PICK1: variants seen among roughly 807,000 people sequenced by gnomAD.
PICK1 encodes protein interacting with PRKCA 1.
In PICK1, 23 loss-of-function variants were observed where a neutral mutation model predicts 48.9. The observed-to-expected ratio is 0.47, with a 90% CI of 0.34 to 0.67. The LOEUF is 0.67. PICK1 is among the 30% of genes least tolerant of loss of function. PICK1 has a pLI of 0.01. For missense variants in PICK1, 423 were observed against 557.1 expected, an observed-to-expected ratio of 0.76 and a Z score of 2.42; for synonymous variants, 217 against 228.2, an observed-to-expected ratio of 0.95 and a Z score of 0.44.
chr22:38,072,224 G>A (rs771694319), intron 8 of PICK1, among the ~76,000 whole-genome samples: 3 of 152,208 alleles, frequency 2.0e-5, no homozygotes, highest in Non-Finnish European at 4.4e-5. Context: ...GGGAATGAGG[G>A]CCAACTCCCT....
chr22:38,073,927 G>A lies in PICK1; in HGVS notation c.834+104G>A. 1 of 1,160,522 alleles carries A rather than the reference G, an allele frequency of 8.6e-7. No individual in the cohort carries two copies. The highest frequency in any genetic ancestry group is 1.3e-6 in the Non-Finnish European group (1 of 773,302). 71.9% of individuals were successfully genotyped at this position (1,160,522 alleles called of 1,614,324 possible). On this transcript the variant is annotated intron_variant, in intron 11 of 12. Coordinates refer to ENST00000356976, the MANE Select transcript of PICK1 (RefSeq NM_012407.4). This position sits in a 1 kb window ranked among gnomAD's most constrained non-coding sequence, Gnocchi z 5.7. ...CGGGAGAGACCGGGGGGACTTGGCT[G>A]GACTCTCGTTCCTGGAGATTTAGGG...
At chr22:38,057,933 C>T in intron 2 of PICK1, 83 bp downstream of exon 2, 1 of 1,114,704 alleles carries the variant, frequency 9.0e-7, no homozygotes, top group Non-Finnish European at 1.4e-6. Context: ...CCCACAGACC[C>T]TTGCTTCTCA....
chr22:38,065,241 C>G (rs1306410463), intron 4 of PICK1, 111 bp downstream of exon 4: 7 of 1,074,138 alleles, frequency 6.5e-6, no homozygotes, highest in Admixed American at 4.0e-5. Context: ...CCTCACCGCC[C>G]CCTTCCTTGT....
intron 5 of PICK1, chr22:38,068,014 C>T: frequency 1.6e-6 from 1 of 625,154 alleles, no homozygotes; most frequent in South Asian, 1.5e-5. Context: ...TTCACCCCTA[C>T]CTCCCTGCTT....
rs945697657 is a variant in PICK1, at chr22:38,073,806, G to A, written c.817G>A (p.Glu273Lys). Reference sequence around the variant, plus strand: ...CCTGAAGGTGAAGGAGATGGATGACGAGGAATACAGCTGCATTGTGAGTGT... The same window carrying A: ...CCTGAAGGTGAAGGAGATGGATGACAAGGAATACAGCTGCATTGTGAGTGT... ...YCLKVKEMDD[E>K]EYSCIALGEP... Residue 273 changes from glutamate (E) to lysine (K), a missense_variant, in exon 11 of 13, where the codon GAG becomes AAG. Glu to Lys is a moderately conservative substitution (Grantham distance 56). Coordinates refer to ENST00000356976, the MANE Select transcript of PICK1 (RefSeq NM_012407.4). This position sits in a 1 kb window ranked among gnomAD's most constrained non-coding sequence, Gnocchi z 5.7. 5 of 1,613,638 alleles carry A rather than the reference G, an allele frequency of 3.1e-6. No homozygotes were observed. The highest frequency in any genetic ancestry group is 2.2e-5 in the South Asian group (2 of 91,082).
chr22:38,057,865 C>A lies in PICK1; in HGVS notation c.41+15C>A, dbSNP rs1569193522. The A allele has an allele frequency of 6.2e-7, 1 of 1,605,702 alleles. No homozygotes were observed. Among genetic ancestry groups the A allele is most frequent in the Non-Finnish European group, 8.5e-7 (1 of 1,172,310 alleles). ...GAGGATAAACTGTGAGTATTTTATT[C>A]CCCCAAGTTCCAGCAGTATAGGAGC... On this transcript the variant is annotated intron_variant, in intron 2 of 12. Coordinates refer to ENST00000356976, the MANE Select transcript of PICK1 (RefSeq NM_012407.4).
At position 38,074,820 on chromosome 22, in the gene PICK1, C is replaced by T; in HGVS notation, c.980-44C>T. On this transcript the variant is annotated intron_variant, in intron 12 of 12. Transcript: ENST00000356976. This position sits in a 1 kb window ranked among gnomAD's most constrained non-coding sequence, Gnocchi z 4.5. ...GGGAGAGTCTCCTCCCTGAGGCAGGCAGCCAGAGCCCACTGCAGCCTGTCC... is the reference window on the plus strand; with the variant it reads ...GGGAGAGTCTCCTCCCTGAGGCAGGTAGCCAGAGCCCACTGCAGCCTGTCC... 1 of 1,601,856 alleles carries T rather than the reference C, an allele frequency of 6.2e-7. No individual in the cohort carries two copies. Among genetic ancestry groups the T allele is most frequent in the South Asian group, 1.1e-5 (1 of 90,970 alleles).
At position 38,066,265 on chromosome 22, in the gene PICK1, G is replaced by C. The variant is rs963523015; in HGVS notation, c.282+1135G>C. Reference sequence around the variant, plus strand: ...GTATGACCTGTTAGGCAGAGGAGCTGATCATGGGAACAGGTGCAGGGGGTC... The same window carrying C: ...GTATGACCTGTTAGGCAGAGGAGCTCATCATGGGAACAGGTGCAGGGGGTC... On this transcript the variant is annotated intron_variant, in intron 4 of 12. Coordinates refer to ENST00000356976, the MANE Select transcript of PICK1 (RefSeq NM_012407.4). This position sits in a 1 kb window ranked among gnomAD's most constrained non-coding sequence, Gnocchi z 4.1. Among the ~76,000 whole-genome samples the C allele has an allele frequency of 2.6e-5, 4 of 152,210 alleles. No homozygotes were observed. Among genetic ancestry groups the C allele is most frequent in the African/African-American group, 9.7e-5 (4 of 41,450 alleles).
intron 5 of PICK1, 179 bp downstream of exon 5, chr22:38,067,949 T>G: frequency 1.4e-6 from 1 of 695,478 alleles, no homozygotes; most frequent in Non-Finnish European, 2.7e-6. Context: ...GGCCTCCCGG[T>G]GCTCTCCCTG....
chr22:38,065,192 C>T (rs2085496353), intron 4 of PICK1, 62 bp downstream of exon 4: 1 of 1,552,034 alleles, frequency 6.4e-7, no homozygotes, highest in Non-Finnish European at 8.8e-7. Context: ...GACCTCCAGG[C>T]TGCCAGAGGT....
At position 38,075,570 on chromosome 22, in the gene PICK1, C is replaced by G. The variant is rs915327963; in HGVS notation, c.*438C>G. ...GCCTCCTGGGCACCCTTGCCTCGCC[C>G]CAGACCGGCCCGTCCAGTCCCCATC... On this transcript the variant is annotated 3_prime_UTR_variant, in exon 13 of 13. Transcript: ENST00000356976. 22 of 180,250 alleles carry G rather than the reference C, an allele frequency of 1.2e-4. No individual in the cohort carries two copies. Among genetic ancestry groups the G allele is most frequent in the African/African-American group, 5.2e-4 (22 of 42,442 alleles). 11.2% of individuals were successfully genotyped at this position (180,250 alleles called of 1,614,324 possible).
chr22:38,072,447 G>T (rs1445540403), intron 8 of PICK1, 30 bp from the exon 9 acceptor site: 1 of 1,607,066 alleles, frequency 6.2e-7, no homozygotes, highest in Non-Finnish European at 8.5e-7. Context: ...GCCAAGTAGG[G>T]GCAGCCTTCA....
chr22:38,070,613 T>C (rs1277964323), intron 6 of PICK1, among the ~76,000 whole-genome samples: 1 of 152,188 alleles, frequency 6.6e-6, no homozygotes, highest in Non-Finnish European at 1.5e-5. Flanking sequence ...GTGGGAGCTT[T>C]GCCTGCTAGG....
intron 3 of PICK1, among the ~76,000 whole-genome samples, chr22:38,061,893 G>A (rs2085412860): frequency 6.6e-6 from 1 of 152,188 alleles, no homozygotes; most frequent in South Asian, 2.1e-4. Flanking sequence ...TGAGAATTTA[G>A]TTCTTCCCAT....
intron 3 of PICK1, among the ~76,000 whole-genome samples, chr22:38,062,267 T>A (rs1231855482): frequency 1.3e-4 from 13 of 101,690 alleles, no homozygotes; most frequent in South Asian, 3.2e-4. Flanking sequence ...TTTTTTTTTT[T>A]AAATTAAGTC....
Position 38,072,665 on chromosome 22 carries a change from T to A in PICK1, c.690+55T>A, listed in dbSNP as rs61084710. On this transcript the variant is annotated intron_variant, in intron 9 of 12. Coordinates refer to ENST00000356976, the MANE Select transcript of PICK1 (RefSeq NM_012407.4). Reference sequence around the variant, plus strand: ...GCGTGTGAGGGTGGGGAGGGGAGAGTGTGGCATGCAGAGAAGGTCGTATGC... The same window carrying A: ...GCGTGTGAGGGTGGGGAGGGGAGAGAGTGGCATGCAGAGAAGGTCGTATGC... 7.7e-4 allele frequency: 1,236 copies of A among 1,602,258 alleles called. 8 individuals carry two copies. The African/African-American group carries it at 0.014, about 18-fold the overall frequency.
rs767917749 is a variant in PICK1 at position 38,069,021 on chromosome 22, T to TC, written c.350-7dup. 6.2e-7 allele frequency: 1 copy of TC among 1,605,516 alleles called. No homozygotes were observed. Among genetic ancestry groups the TC allele is most frequent in the Admixed American group, 1.7e-5 (1 of 59,670 alleles). On this transcript the variant is annotated splice_polypyrimidine_tract_variant and intron_variant, in intron 5 of 12. Transcript: ENST00000356976. ...AGCCACAGACTCACCAGGTCCTTTG[T>TC]CCCCCGCTCAGTGTTGAAGAAAGTC...
intron 4 of PICK1, 176 bp downstream of exon 4, chr22:38,065,306 C>G: frequency 1.5e-6 from 1 of 673,850 alleles, no homozygotes; most frequent in Non-Finnish European, 2.7e-6. Flanking sequence ...CTCATTCATT[C>G]AATAAATACT....
rs1601962109 is a variant in PICK1 at position 38,074,730 on chromosome 22, A to T, written c.980-134A>T. ...CCCTGCCTCCGCCCCTTGCCAGGTC[A>T]TGAGGGGTCAGGGAAGTGCCCGAGT... On this transcript the variant is annotated intron_variant, in intron 12 of 12. Coordinates refer to ENST00000356976, the MANE Select transcript of PICK1 (RefSeq NM_012407.4). The surrounding 1 kb of genome is among the most constrained non-coding windows in gnomAD (Gnocchi z 4.5). 1 of 1,210,072 alleles carries T rather than the reference A, an allele frequency of 8.3e-7. No homozygotes were observed. Among genetic ancestry groups the T allele is most frequent in the African/African-American group, 1.5e-5 (1 of 66,270 alleles). 75.0% of individuals were successfully genotyped at this position (1,210,072 alleles called of 1,614,324 possible).
Sources: allele counts gnomAD v4.1 joint callset (sites outside exome capture counted in the v4.1 genomes callset), GRCh38; gene constraint gnomAD v4.1.1; non-coding constraint Gnocchi (gnomAD v3.1); transcripts MANE v1.5; gene names NCBI Gene and HGNC (gene_info 2026-07-23, HGNC 2026-07-21).